The following GLP2R variants were observed in gnomAD, a reference collection of about 807,000 sequenced individuals.
GLP2R encodes the protein glucagon like peptide 2 receptor.
In GLP2R, 59 loss-of-function variants were observed where a neutral mutation model predicts 68.2. The ratio of observed to expected loss-of-function variants is 0.87; its 90% CI spans 0.70 to 1.07. GLP2R has a LOEUF of 1.07. Among genes scored for constraint, GLP2R ranks in the 50% least tolerant of loss-of-function variants. GLP2R has a pLI of 0.00. For missense variants in GLP2R, 548 were observed against 677.4 expected, an observed-to-expected ratio of 0.81 and a Z score of 2.12; for synonymous variants, 270 against 265.4, an observed-to-expected ratio of 1.02 and a Z score of -0.17.
intron 3 of GLP2R, among the ~76,000 whole-genome samples, chr17:9,838,736 G>T (rs2066757033): frequency 6.6e-6 from 1 of 152,214 alleles, no homozygotes. Context: ...TAAATCTTTA[G>T]AATCCAAATG....
At chr17:9,855,203 C>T (rs1375486635) in intron 5 of GLP2R, among the ~76,000 whole-genome samples, 2 of 152,176 alleles carry the variant, frequency 1.3e-5, no homozygotes, top group African/African-American at 4.8e-5. Context: ...GAAGACTGGG[C>T]TGGATGTGTC....
intron 10 of GLP2R, among the ~76,000 whole-genome samples, chr17:9,875,264 C>G (rs2067133372): frequency 6.6e-6 from 1 of 152,134 alleles, no homozygotes. Flanking sequence ...CATTGGCACC[C>G]CTCAGCTCCT....
In GLP2R at chr17:9,827,727, C is replaced by T. The variant is rs928310768; in HGVS notation, c.189+1475C>T. Among the ~76,000 whole-genome samples the T allele has an allele frequency of 3.2e-4, 48 of 152,098 alleles. 2 individuals are homozygous for T. Among genetic ancestry groups the T allele is most frequent in the Admixed American group, 3.1e-3 (48 of 15,268 alleles). ...CCTGTAACCCCAACACTTTGGGAGG[C>T]TGAGGTGGGCAGATCACAAGGTCAG... On this transcript the variant is annotated intron_variant, in intron 1 of 12. Coordinates refer to ENST00000262441, the MANE Select transcript of GLP2R (RefSeq NM_004246.3).
intron 4 of GLP2R, chr17:9,853,154 C>G: frequency 2.2e-6 from 1 of 453,736 alleles, no homozygotes; most frequent in Non-Finnish European, 4.1e-6. Context: ...ATGCTTTGCA[C>G]CAGCCCTCAA....
intron 9 of GLP2R, chr17:9,866,150 G>A (rs1318559026): frequency 1.8e-5 from 6 of 332,960 alleles, no homozygotes; most frequent in Non-Finnish European, 2.9e-5. Context: ...AAGTGAAAGA[G>A]GCAGGCTAGG....
intron 5 of GLP2R, among the ~76,000 whole-genome samples, chr17:9,856,378 T>C (rs2066933665): frequency 6.6e-6 from 1 of 151,008 alleles, no homozygotes. Flanking sequence ...GAGAAGAATG[T>C]GTAAATCCTA....
rs1374897770 is a variant in GLP2R at position 9,842,989 on chromosome 17, GT to G, written c.504+374del. ...CTTCCAGGGTCACCTAATCCAGAGA[GT>G]GCCCTCTATGGTTGCCACATCCCCC... On this transcript the variant is annotated intron_variant, in intron 4 of 12. Transcript: ENST00000262441. Among the ~76,000 whole-genome samples the G allele has an allele frequency of 3.3e-5, 5 of 152,240 alleles. No homozygotes were observed. In the East Asian group the frequency reaches 9.7e-4, roughly 29 times the overall value.
intron 4 of GLP2R, among the ~76,000 whole-genome samples, chr17:9,848,580 A>G (rs571537006): frequency 6.6e-6 from 1 of 152,306 alleles, no homozygotes; most frequent in South Asian, 2.1e-4. Flanking sequence ...TGCGCTTTCA[A>G]AAACAGGAAG....
At chr17:9,843,400 G>C (rs2066806864) in intron 4 of GLP2R, among the ~76,000 whole-genome samples, 1 of 152,140 alleles carries the variant, frequency 6.6e-6, no homozygotes, top group East Asian at 1.9e-4. Flanking sequence ...ATGCCACAGG[G>C]ATCATATTTG....
intron 3 of GLP2R, among the ~76,000 whole-genome samples, chr17:9,841,416 C>A (rs529701981): frequency 7.9e-5 from 12 of 151,996 alleles, no homozygotes; most frequent in African/African-American, 2.4e-4. Flanking sequence ...TCCCATCTCC[C>A]GGTGGGAGGT....
rs754397744 is a variant in GLP2R at position 9,887,883 on chromosome 17, A to G, written c.1285-49A>G. The G allele has an allele frequency of 4.2e-6, 6 of 1,430,160 alleles. No homozygotes were observed. The South Asian group carries it at 6.9e-5, about 16-fold the overall frequency. The allele number at this position is 1,430,160 out of a possible 1,614,324, so 88.6% of individuals were successfully genotyped here. On this transcript the variant is annotated intron_variant, in intron 11 of 12. Coordinates refer to ENST00000262441, the MANE Select transcript of GLP2R (RefSeq NM_004246.3). ...TGGACGTTGCCAGTAACTCTCAGAC[A>G]CATCTTCTCCGGAGTCAGATTTTAT...
intron 4 of GLP2R, among the ~76,000 whole-genome samples, chr17:9,844,259 T>C (rs1422266939): frequency 6.6e-6 from 1 of 152,128 alleles, no homozygotes; most frequent in Non-Finnish European, 1.5e-5. Flanking sequence ...GGACTTTGTA[T>C]ATTGAAGTAG....
chr17:9,828,076 C>T (rs371264030), intron 1 of GLP2R, among the ~76,000 whole-genome samples: 98 of 152,168 alleles, frequency 6.4e-4, no homozygotes, highest in African/African-American at 2.2e-3. Context: ...GTAGGGCAGG[C>T]TGTGGTACCA....
chr17:9,833,182 T>C (rs541424886), intron 1 of GLP2R, among the ~76,000 whole-genome samples: 1 of 152,060 alleles, frequency 6.6e-6, no homozygotes, highest in African/African-American at 2.4e-5. Context: ...GAGAATCGCT[T>C]GAACCCAGGA....
At chr17:9,886,028 C>G (rs962121316) in intron 11 of GLP2R, among the ~76,000 whole-genome samples, 1 of 152,170 alleles carries the variant, frequency 6.6e-6, no homozygotes, top group Non-Finnish European at 1.5e-5. Context: ...CAGAGGACTC[C>G]CACCTTCGGA....
intron 4 of GLP2R, among the ~76,000 whole-genome samples, chr17:9,847,938 C>T (rs1226485036): frequency 1.3e-5 from 2 of 152,110 alleles, no homozygotes; most frequent in Non-Finnish European, 2.9e-5. Flanking sequence ...CTGCTTGAGG[C>T]CAGGAGTTTG....
chr17:9,841,310 G>A (rs1009895778), intron 3 of GLP2R, among the ~76,000 whole-genome samples: 1 of 151,624 alleles, frequency 6.6e-6, no homozygotes, highest in African/African-American at 2.4e-5. Flanking sequence ...TTACAGGCGT[G>A]AGCCACCACG....
chr17:9,846,338 AGCTGCAGTAGCTC>A (rs1359857211), intron 4 of GLP2R, among the ~76,000 whole-genome samples: 1 of 152,238 alleles, frequency 6.6e-6, no homozygotes, highest in African/African-American at 2.4e-5. Context: ...GTTAGAGGCC[AGCTGCAGTAGCTC>A]AGGCCTGTAA....
chr17:9,885,736 T>A (rs1270547141), intron 11 of GLP2R, among the ~76,000 whole-genome samples: 1 of 137,888 alleles, frequency 7.3e-6, no homozygotes, highest in Non-Finnish European at 1.6e-5. Flanking sequence ...CGACATTGTA[T>A]CAGTAAAAAA....
Sources: gnomAD v4.1 joint callset for allele counts (sites outside exome capture counted in the v4.1 genomes callset) on GRCh38, gnomAD v4.1.1 for gene constraint, MANE v1.5 for transcripts, NCBI Gene and HGNC (gene_info 2026-07-23, HGNC 2026-07-21) for gene names.